Variants in ZPBP observed in about 807,000 individuals in gnomAD.
ZPBP encodes zona pellucida-binding protein 1.
ZPBP carries 26 observed loss-of-function variants against 44.8 expected under a neutral mutation model. The observed-to-expected ratio is 0.58, with a 90% CI of 0.43 to 0.81. ZPBP has a LOEUF of 0.81. ZPBP is among the 30% of genes least tolerant of loss of function. The pLI, the probability that ZPBP is intolerant of heterozygous loss-of-function variation, is 0.00. For synonymous variants in ZPBP, 174 were observed against 153.2 expected, an observed-to-expected ratio of 1.14 and a Z score of -1.00; for missense variants, 409 against 434.0, an observed-to-expected ratio of 0.94 and a Z score of 0.51.
intron 6 of ZPBP, among the ~76,000 whole-genome samples, chr7:49,999,748 G>C (rs1391875925): frequency 3.3e-5 from 5 of 152,078 alleles, no homozygotes; most frequent in African/African-American, 1.2e-4. Flanking sequence ...GGAGTGGATG[G>C]TGCCCACCCA....
chr7:49,955,422 T>C (rs1436842611), intron 7 of ZPBP, among the ~76,000 whole-genome samples: 1 of 152,078 alleles, frequency 6.6e-6, no homozygotes. Context: ...CTGGGTGTGC[T>C]GGTGTGTGCC....
intron 6 of ZPBP, among the ~76,000 whole-genome samples, chr7:49,999,182 A>G (rs990617331): frequency 6.6e-6 from 1 of 151,656 alleles, no homozygotes; most frequent in Non-Finnish European, 1.5e-5. Context: ...CATTTATATA[A>G]TAACTCTCCA....
At chr7:50,072,316 G>A (rs755704887) in intron 3 of ZPBP, among the ~76,000 whole-genome samples, 5 of 152,182 alleles carry the variant, frequency 3.3e-5, no homozygotes, top group Non-Finnish European at 7.3e-5. Context: ...TTTGCTTTGA[G>A]TGCCAGCTCA....
intron 4 of ZPBP, among the ~76,000 whole-genome samples, chr7:50,053,574 T>G (rs1800792181): frequency 6.6e-6 from 1 of 152,192 alleles, no homozygotes; most frequent in Non-Finnish European, 1.5e-5. Context: ...GTTAAGTACG[T>G]CAAAACATAA....
At chr7:49,961,480 G>C (rs946499502) in intron 7 of ZPBP, among the ~76,000 whole-genome samples, 15 of 152,074 alleles carry the variant, frequency 9.9e-5, no homozygotes, top group Admixed American at 3.9e-4. Flanking sequence ...GATTAAAAGA[G>C]GGCATAAGCA....
At chr7:49,876,258 A>G (rs1791410878) in intron 2 of ZPBP, among the ~76,000 whole-genome samples, 1 of 152,196 alleles carries the variant, frequency 6.6e-6, no homozygotes, top group Admixed American at 6.6e-5. Context: ...ATTTGAAAAT[A>G]TAGGTAAATT....
At chr7:49,990,402 A>T (rs1348155248) in intron 6 of ZPBP, among the ~76,000 whole-genome samples, 1 of 152,206 alleles carries the variant, frequency 6.6e-6, no homozygotes, top group Non-Finnish European at 1.5e-5. Flanking sequence ...ACAAGGACGG[A>T]TGAAAGAAAG....
At chr7:50,080,504 C>T (rs977408057) in intron 3 of ZPBP, among the ~76,000 whole-genome samples, 1 of 151,496 alleles carries the variant, frequency 6.6e-6, no homozygotes, top group African/African-American at 2.4e-5. Context: ...CAAGACCTGG[C>T]GTTGCACCTC....
rs555395769 is a variant in ZPBP, at chr7:49,969,904, G to A, written c.961+13438C>T. Among the ~76,000 whole-genome samples, 13 of 152,002 alleles carry A rather than the reference G, an allele frequency of 8.6e-5. No homozygotes were observed. The South Asian group carries it at 2.7e-3, about 32-fold the overall frequency. On this transcript the variant is annotated intron_variant, in intron 7 of 7. Transcript: ENST00000046087. ...AATGACAGTTTCTCTCTGTCACCCAGGCTGGAATGCAGCGGCACAATCTCA... is the reference window on the plus strand; with the variant it reads ...AATGACAGTTTCTCTCTGTCACCCAAGCTGGAATGCAGCGGCACAATCTCA...
intron 7 of ZPBP, among the ~76,000 whole-genome samples, chr7:49,980,060 T>A (rs1796740326): frequency 2.3e-5 from 2 of 86,384 alleles, no homozygotes; most frequent in Non-Finnish European, 4.0e-5. Flanking sequence ...TATAATTTTA[T>A]ATTATATTAT....
the ZPBP span, among the ~76,000 whole-genome samples, chr7:49,840,954 CA>C: frequency 1.3e-5 from 2 of 152,122 alleles, no homozygotes; most frequent in African/African-American, 4.8e-5. Flanking sequence ...TGATGGGATG[CA>C]AAGAACAGAC....
At chr7:49,916,564 T>G (rs1211504458) in intron 1 of ZPBP, 2 of 152,242 alleles carry the variant, frequency 1.3e-5, no homozygotes, top group African/African-American at 4.8e-5. Context: ...AATGGTTAAT[T>G]TTATGCCTGC....
intron 4 of ZPBP, among the ~76,000 whole-genome samples, chr7:50,052,851 AC>A (rs1203137775): frequency 6.6e-6 from 1 of 152,216 alleles, no homozygotes; most frequent in Non-Finnish European, 1.5e-5. Flanking sequence ...AAGATTATGT[AC>A]TATAGCACTG....
chr7:49,979,570 A>T (rs1472172999), intron 7 of ZPBP, among the ~76,000 whole-genome samples: 2 of 151,668 alleles, frequency 1.3e-5, no homozygotes, highest in Non-Finnish European at 2.9e-5. Flanking sequence ...AAAGTTTTTA[A>T]ATACAAAAAA....
At chr7:50,069,056 G>A (rs141751726) in intron 3 of ZPBP, among the ~76,000 whole-genome samples, 1,789 of 152,188 alleles carry the variant, frequency 0.012, 22 homozygotes, top group Admixed American at 0.023. Flanking sequence ...GCATAACTTG[G>A]GCACGGCCAG....
downstream of ZPBP, chr7:49,935,883 T>C (rs1486824047): frequency 6.6e-6 from 1 of 152,222 alleles, no homozygotes; most frequent in Admixed American, 6.5e-5. Context: ...CGTGATTGCA[T>C]TCTGATCCCC....
chr7:50,004,622 AT>A (rs1372831438), intron 6 of ZPBP, among the ~76,000 whole-genome samples: 6 of 152,128 alleles, frequency 3.9e-5, no homozygotes, highest in Non-Finnish European at 5.9e-5. Flanking sequence ...CCAAACAGAA[AT>A]TCTGGAGGTT....
chr7:49,946,235 T>G (rs1334912769), intron 7 of ZPBP, among the ~76,000 whole-genome samples: 1 of 152,172 alleles, frequency 6.6e-6, no homozygotes, highest in Non-Finnish European at 1.5e-5. Flanking sequence ...ACTCGAGATA[T>G]GAGTGTTTAT....
At chr7:50,092,791 T>A in intron 1 of ZPBP, 1 of 351,834 alleles carries the variant, frequency 2.8e-6, no homozygotes, top group South Asian at 3.9e-5. Context: ...ATGGACTGAA[T>A]TGGGGAGTTT....
Sources: allele counts gnomAD v4.1 joint callset (sites outside exome capture counted in the v4.1 genomes callset), GRCh38; gene constraint gnomAD v4.1.1; transcripts MANE v1.5; gene names NCBI Gene and HGNC (gene_info 2026-07-23, HGNC 2026-07-21).